PDE4D: variants seen among roughly 807,000 people sequenced by gnomAD.
PDE4D encodes the protein 3',5'-cyclic-AMP phosphodiesterase 4D.
Under a neutral mutation model 87.4 loss-of-function variants are expected in PDE4D, and 24 were observed. That is an observed-to-expected ratio of 0.27 (90% CI 0.20 to 0.39). PDE4D has a LOEUF of 0.39. Among genes scored for constraint, PDE4D ranks in the 10% least tolerant of loss-of-function variants. The pLI is 1.00. For synonymous variants in PDE4D, 384 were observed against 383.2 expected, an observed-to-expected ratio of 1.00 and a Z score of -0.02; for missense variants, 714 against 1,041.0, an observed-to-expected ratio of 0.69 and a Z score of 4.32.
chr5:59,540,311 T>C (rs1278346820), intron 1 of PDE4D, among the ~76,000 whole-genome samples: 1 of 151,996 alleles, frequency 6.6e-6, no homozygotes, highest in Non-Finnish European at 1.5e-5. Context: ...AAAGCCTGTA[T>C]TCCATGCTGA....
intron 1 of PDE4D, among the ~76,000 whole-genome samples, chr5:60,464,055 C>A (rs1454413330): frequency 6.6e-6 from 1 of 152,136 alleles, no homozygotes; most frequent in Non-Finnish European, 1.5e-5. Context: ...CCCACACACA[C>A]TCATACAATG....
At position 60,006,032 on chromosome 5, in the gene PDE4D, A is replaced by C. The variant is rs925456459; in HGVS notation, c.43-17315T>G. 3.3e-5 allele frequency among the ~76,000 whole-genome samples: 5 copies of C among 151,992 alleles called. No homozygotes were observed. In the East Asian group the frequency reaches 7.7e-4, roughly 23 times the overall value. On this transcript the variant is annotated intron_variant, in intron 2 of 16. Transcript: ENST00000502484. ...TAGGAAATTTTTTAGGAAAATTTACAAGCATCTTAATGTTATTGAGGTAAT... is the reference window on the plus strand; with the variant it reads ...TAGGAAATTTTTTAGGAAAATTTACCAGCATCTTAATGTTATTGAGGTAAT...
intron 1 of PDE4D, among the ~76,000 whole-genome samples, chr5:59,426,777 T>C (rs867031614): frequency 2.7e-5 from 4 of 149,906 alleles, no homozygotes; most frequent in Middle Eastern, 3.4e-3. Flanking sequence ...CTAGTTTTTA[T>C]TTTCCATTTT....
chr5:59,016,047 T>C (rs1014633783), intron 6 of PDE4D, among the ~76,000 whole-genome samples: 6 of 152,176 alleles, frequency 3.9e-5, no homozygotes, highest in Admixed American at 3.9e-4. Flanking sequence ...AAACACCGCA[T>C]GTTCTCACTC....
intron 5 of PDE4D, among the ~76,000 whole-genome samples, chr5:59,077,950 C>T (rs768401688): frequency 3.0e-4 from 45 of 152,190 alleles, no homozygotes; most frequent in Non-Finnish European, 4.4e-4. Flanking sequence ...AAAACCTCTT[C>T]ATCCCAGTGC....
At chr5:60,333,342 C>A (rs1489240607) in intron 1 of PDE4D, among the ~76,000 whole-genome samples, 2 of 152,132 alleles carry the variant, frequency 1.3e-5, no homozygotes, top group African/African-American at 4.8e-5. Flanking sequence ...TCCCACCAAA[C>A]GTTATTTCAC....
At chr5:60,213,729 T>C (rs1020553256) in intron 1 of PDE4D, among the ~76,000 whole-genome samples, 137 of 152,234 alleles carry the variant, frequency 9.0e-4, no homozygotes, top group African/African-American at 3.2e-3. Context: ...CTTTACACAA[T>C]GACAAGCCAG....
intron 1 of PDE4D, among the ~76,000 whole-genome samples, chr5:59,599,408 T>TTTA (rs528340395): frequency 0.03 from 4,580 of 151,150 alleles, 111 homozygotes; most frequent in Non-Finnish European, 0.047. Flanking sequence ...TTATTTATTT[T>TTTA]TTTTTTATTT....
intron 1 of PDE4D, among the ~76,000 whole-genome samples, chr5:59,730,752 G>T (rs1757258019): frequency 6.6e-6 from 1 of 152,060 alleles, no homozygotes; most frequent in African/African-American, 2.4e-5. Context: ...AATTATTGTA[G>T]TCATGTGCCA....
intron 1 of PDE4D, among the ~76,000 whole-genome samples, chr5:59,434,803 C>T (rs910236422): frequency 6.6e-6 from 1 of 152,088 alleles, no homozygotes; most frequent in Admixed American, 6.6e-5. Flanking sequence ...CTAATCAGGT[C>T]ACAAACCCTA....
At chr5:60,343,361 T>C (rs141468694) in intron 1 of PDE4D, among the ~76,000 whole-genome samples, 1 of 152,166 alleles carries the variant, frequency 6.6e-6, no homozygotes, top group East Asian at 1.9e-4. Context: ...AAAAGGGCTG[T>C]AATTAGAAAC....
intron 1 of PDE4D, among the ~76,000 whole-genome samples, chr5:59,580,189 A>G (rs1425660710): frequency 6.6e-6 from 1 of 152,216 alleles, no homozygotes; most frequent in Non-Finnish European, 1.5e-5. Context: ...ATTGGGCTCT[A>G]AAATCAGGCC....
intron 1 of PDE4D, among the ~76,000 whole-genome samples, chr5:60,193,350 T>C (rs893575676): frequency 2.0e-5 from 3 of 151,914 alleles, no homozygotes; most frequent in Non-Finnish European, 4.4e-5. Context: ...TATTATAAGT[T>C]AGAAAATAAA....
At chr5:59,668,541 C>A (rs1746445701) in intron 1 of PDE4D, among the ~76,000 whole-genome samples, 2 of 151,852 alleles carry the variant, frequency 1.3e-5, no homozygotes, top group Non-Finnish European at 1.5e-5. Flanking sequence ...GAGATCTTTT[C>A]TCTACAAAAT....
chr5:60,225,938 C>T (rs953546344), intron 1 of PDE4D, among the ~76,000 whole-genome samples: 2 of 152,004 alleles, frequency 1.3e-5, no homozygotes, highest in African/African-American at 2.4e-5. Context: ...ATGCTCCTAA[C>T]GACTGGGCTA....
chr5:59,481,668 C>A (rs1506557), intron 1 of PDE4D, among the ~76,000 whole-genome samples: 1 of 151,940 alleles, frequency 6.6e-6, no homozygotes, highest in Non-Finnish European at 1.5e-5. Flanking sequence ...CAACATGAAG[C>A]CTTCATGATT....
intron 3 of PDE4D, among the ~76,000 whole-genome samples, chr5:59,935,708 G>A (rs1756488661): frequency 6.6e-6 from 1 of 152,170 alleles, no homozygotes; most frequent in South Asian, 2.1e-4. Flanking sequence ...AGTAGTCTGA[G>A]GACCAGCAGA....
intron 5 of PDE4D, among the ~76,000 whole-genome samples, chr5:59,116,992 T>C (rs1168964646): frequency 6.6e-6 from 1 of 152,204 alleles, no homozygotes; most frequent in Non-Finnish European, 1.5e-5. Context: ...AATACAATCA[T>C]TAGCAACAAT....
At chr5:59,486,432 C>T (rs1805168881) in intron 1 of PDE4D, among the ~76,000 whole-genome samples, 1 of 152,196 alleles carries the variant, frequency 6.6e-6, no homozygotes, top group African/African-American at 2.4e-5. Context: ...AACTTTTCAT[C>T]TTAGTTGCAA....
Sources: allele counts gnomAD v4.1 joint callset (sites outside exome capture counted in the v4.1 genomes callset), GRCh38; gene constraint gnomAD v4.1.1; transcripts MANE v1.5; gene names NCBI Gene and HGNC (gene_info 2026-07-23, HGNC 2026-07-21).